SCN10A: variants seen among roughly 807,000 people sequenced by gnomAD.
SCN10A encodes sodium channel protein type 10 subunit alpha.
Under a neutral mutation model 170.7 loss-of-function variants are expected in SCN10A, and 162 were observed. The ratio of observed to expected loss-of-function variants is 0.95; its 90% CI spans 0.84 to 1.08. The LOEUF is 1.08. SCN10A is among the 50% of genes least tolerant of loss of function. The pLI is 0.00. For missense variants in SCN10A, 2,527 were observed against 2,436.9 expected (o/e 1.04, Z -0.78); for synonymous variants, 985 against 904.6 (o/e 1.09, Z -1.59).
chr3:38,777,709 A>G (rs1209133878), intron 4 of SCN10A, among the ~76,000 whole-genome samples: 5 of 152,118 alleles, frequency 3.3e-5, no homozygotes, highest in African/African-American at 1.2e-4. Context: ...AGAGCATTTA[A>G]ATCCACGTGG....
At position 38,786,245 on chromosome 3, in the gene SCN10A, T is replaced by G. The variant is rs568763194; in HGVS notation, c.470+2711A>C. Among the ~76,000 whole-genome samples, 6 of 152,144 alleles carry G rather than the reference T, an allele frequency of 3.9e-5. No individual in the cohort carries two copies. In the East Asian group the frequency reaches 9.7e-4, roughly 25 times the overall value. The stretch of plus-strand genomic sequence containing the variant: ...AACTAACCCAAACGCCCATCAGTGA[T>G]AGACTGGATAAAGAAAATATGGCAC... On this transcript the variant is annotated intron_variant, in intron 4 of 27. Transcript: ENST00000449082.
rs1575161681 is a variant in SCN10A at position 38,764,320 on chromosome 3, G to GAGCAGTGTACACTGTACACACT, written c.600-725_600-724insAGTGTGTACAGTGTACACTGCT. 9.9e-5 allele frequency among the ~76,000 whole-genome samples: 15 copies of GAGCAGTGTACACTGTACACACT among 152,212 alleles called. No individual in the cohort carries two copies. In the South Asian group the frequency reaches 3.1e-3, roughly 32 times the overall value. On this transcript the variant is annotated intron_variant, in intron 5 of 27. Transcript: ENST00000449082. ...CTGAGATTTTGGTGCACCATCACCC[G>GAGCAGTGTACACTGTACACACT]AGCAGTGTACACTGTACCCAGTGTG...
intron 1 of SCN10A, among the ~76,000 whole-genome samples, chr3:38,808,534 G>A (rs558433525): frequency 4.8e-4 from 73 of 152,314 alleles, no homozygotes; most frequent in Middle Eastern, 3.4e-3. Flanking sequence ...AAAACAATGT[G>A]ACACATGTAA....
chr3:38,734,916 A>G (rs547931286), intron 15 of SCN10A, among the ~76,000 whole-genome samples: 1 of 152,192 alleles, frequency 6.6e-6, no homozygotes, highest in Non-Finnish European at 1.5e-5. Flanking sequence ...CATGCCTGTA[A>G]TCCCAGCACT....
chr3:38,777,681 C>G (rs920814534), intron 4 of SCN10A, among the ~76,000 whole-genome samples: 1 of 151,932 alleles, frequency 6.6e-6, no homozygotes, highest in African/African-American at 2.4e-5. Flanking sequence ...GTGAATCGAC[C>G]AGGTCAAATC....
intron 1 of SCN10A, among the ~76,000 whole-genome samples, chr3:38,810,375 T>C (rs1310653082): frequency 6.6e-6 from 1 of 152,198 alleles, no homozygotes; most frequent in Non-Finnish European, 1.5e-5. Flanking sequence ...AAATTCAGTG[T>C]TGCTGTGCAG....
intron 4 of SCN10A, among the ~76,000 whole-genome samples, chr3:38,772,240 T>A (rs2064009373): frequency 6.6e-6 from 1 of 151,364 alleles, no homozygotes; most frequent in African/African-American, 2.4e-5. Context: ...GATGCTGCAC[T>A]TTTAACATGA....
At chr3:38,788,671 T>C (rs192265142) in intron 4 of SCN10A, among the ~76,000 whole-genome samples, 159 of 152,208 alleles carry the variant, frequency 1.0e-3, no homozygotes, top group African/African-American at 3.6e-3. Context: ...CCTTAGACTT[T>C]CTGGGGCTGG....
chr3:38,788,144 TC>T (rs2064231513), intron 4 of SCN10A, among the ~76,000 whole-genome samples: 1 of 150,290 alleles, frequency 6.7e-6, no homozygotes, highest in South Asian at 2.1e-4. Context: ...GACTATGTGA[TC>T]CTTTTCCTTT....
intron 1 of SCN10A, among the ~76,000 whole-genome samples, chr3:38,797,694 A>T (rs2064348463): frequency 6.6e-6 from 1 of 152,186 alleles, no homozygotes; most frequent in African/African-American, 2.4e-5. Flanking sequence ...TATAGTTTGG[A>T]ACCAAATTTG....
At chr3:38,735,742 C>T (rs62242444) in intron 15 of SCN10A, among the ~76,000 whole-genome samples, 31,872 of 152,198 alleles carry the variant, frequency 0.21, 3,818 homozygotes, top group East Asian at 0.4. Context: ...TGGAGCAAGG[C>T]TTTAAGTGAC....
chr3:38,708,875 C>T (rs567076510), intron 25 of SCN10A, among the ~76,000 whole-genome samples: 89 of 152,282 alleles, frequency 5.8e-4, no homozygotes, highest in African/African-American at 2.0e-3. Context: ...ATCTCAGTTA[C>T]GCAAATCTAG....
intron 20 of SCN10A, among the ~76,000 whole-genome samples, chr3:38,721,008 C>T (rs2063384032): frequency 6.6e-6 from 1 of 152,182 alleles, no homozygotes; most frequent in African/African-American, 2.4e-5. Flanking sequence ...CACACAGTTC[C>T]CCCTCCACCC....
chr3:38,809,970 G>A (rs1215894292), intron 1 of SCN10A, among the ~76,000 whole-genome samples: 1 of 152,180 alleles, frequency 6.6e-6, no homozygotes, highest in Non-Finnish European at 1.5e-5. Flanking sequence ...GTGTTTTTAT[G>A]ACTGTGTTTG....
chr3:38,735,038 T>C (rs2063545740), intron 15 of SCN10A, among the ~76,000 whole-genome samples: 1 of 151,678 alleles, frequency 6.6e-6, no homozygotes, highest in Non-Finnish European at 1.5e-5. Context: ...GGCATGGTGG[T>C]GGGTGCCTGT....
At chr3:38,745,265 A>C (rs2063674287) in intron 13 of SCN10A, among the ~76,000 whole-genome samples, 1 of 152,200 alleles carries the variant, frequency 6.6e-6, no homozygotes, top group African/African-American at 2.4e-5. Context: ...TCTCCTATAT[A>C]AAATTGATAA....
rs540185275 is a variant in SCN10A at position 38,803,606 on chromosome 3, C to T, written c.-32-9564G>A. ...ATAGGTGGGAATTGAAAAATGAGAA[C>T]ACATGGACACAGGAAGGGGAACATC... is the stretch of plus-strand genomic sequence containing the variant. On this transcript the variant is annotated intron_variant, in intron 1 of 27. Transcript: ENST00000449082. 1.6e-3 allele frequency among the ~76,000 whole-genome samples: 224 copies of T among 139,346 alleles called. 1 individual carries two copies. The highest frequency in any genetic ancestry group is 5.8e-3 in the African/African-American group (215 of 36,876). 91.4% of individuals were successfully genotyped at this position (139,346 alleles called of 152,430 possible).
chr3:38,772,334 AAAAAG>A (rs1377182185), intron 4 of SCN10A, among the ~76,000 whole-genome samples: 2 of 150,956 alleles, frequency 1.3e-5, no homozygotes, highest in African/African-American at 4.9e-5. Flanking sequence ...AAAAAAAAAA[AAAAAG>A]AAAAGAAAAG....
intron 11 of SCN10A, 34 bp downstream of exon 11, chr3:38,755,754 G>A (rs1353179642): frequency 2.5e-6 from 4 of 1,610,310 alleles, no homozygotes; most frequent in Non-Finnish European, 3.4e-6. Flanking sequence ...TGCAATGGTG[G>A]GTAATCTTTA....
Sources: gnomAD v4.1 joint callset for allele counts (sites outside exome capture counted in the v4.1 genomes callset) on GRCh38, gnomAD v4.1.1 for gene constraint, MANE v1.5 for transcripts, NCBI Gene and HGNC (gene_info 2026-07-23, HGNC 2026-07-21) for gene names.